NME8: variants seen among roughly 807,000 people sequenced by gnomAD.
NME8 encodes protein NME8.
NME8 carries 72 observed loss-of-function variants against 82.3 expected under a neutral mutation model. That is an observed-to-expected ratio of 0.87 (90% CI 0.72 to 1.06). The LOEUF is 1.06. Ranked by LOEUF, NME8 falls within the 50% of genes least tolerant of loss-of-function variation. The pLI is 0.00. For missense variants in NME8, 712 were observed against 685.4 expected (o/e 1.04, Z -0.43); for synonymous variants, 267 against 228.5 (o/e 1.17, Z -1.52).
chr7:37,849,356 T>G (rs567910285), intron 2 of NME8, among the ~76,000 whole-genome samples: 1 of 152,270 alleles, frequency 6.6e-6, no homozygotes, highest in African/African-American at 2.4e-5. Flanking sequence ...CTTTCTAATA[T>G]TTCAGGAAAA....
At position 37,858,430 on chromosome 7, in the gene NME8, C is replaced by T. The variant is rs3807170; in HGVS notation, c.270+1085C>T. ...TCTAAGTTGGATGTTTAGAATTCAACGATTTAGGTGAGGGGTCAGCTAACG... is the reference window on the plus strand; with the variant it reads ...TCTAAGTTGGATGTTTAGAATTCAATGATTTAGGTGAGGGGTCAGCTAACG... On this transcript the variant is annotated intron_variant, in intron 6 of 17. Coordinates refer to ENST00000199447, the MANE Select transcript of NME8 (RefSeq NM_016616.5). Among the ~76,000 whole-genome samples the T allele has an allele frequency of 6.9e-3, 1,046 of 152,108 alleles. 34 individuals carry two copies. Among genetic ancestry groups the T allele is most frequent in the East Asian group, 0.059 (306 of 5,166 alleles).
chr7:37,888,501 C>A, intron 15 of NME8, 73 bp downstream of exon 15: 1 of 1,438,786 alleles, frequency 7.0e-7, no homozygotes, highest in Non-Finnish European at 9.6e-7. Flanking sequence ...AATTTACAAT[C>A]AGAAAAGCAA....
chr7:37,892,860 G>T (rs535383232), intron 15 of NME8, among the ~76,000 whole-genome samples: 1 of 151,744 alleles, frequency 6.6e-6, no homozygotes, highest in East Asian at 1.9e-4. Flanking sequence ...ACAGTTTGGG[G>T]GGGTATTTGT....
intron 5 of NME8, among the ~76,000 whole-genome samples, chr7:37,854,992 C>T (rs1014604944): frequency 6.6e-6 from 1 of 152,124 alleles, no homozygotes; most frequent in Non-Finnish European, 1.5e-5. Flanking sequence ...TGCAATTCTC[C>T]CAGACTTTAA....
chr7:37,875,978 C>T (rs2598023), intron 11 of NME8, among the ~76,000 whole-genome samples: 50,026 of 151,864 alleles, frequency 0.33, 9,236 homozygotes, highest in East Asian at 0.53. Flanking sequence ...GAGGCCGAGA[C>T]GGGCTGATCA....
intron 5 of NME8, among the ~76,000 whole-genome samples, chr7:37,852,749 T>G (rs767910663): frequency 1.3e-5 from 2 of 152,218 alleles, no homozygotes; most frequent in Non-Finnish European, 2.9e-5. Context: ...GAAGAACATC[T>G]TGGTTGCTTC....
At chr7:37,859,413 A>G (rs995943899) in intron 6 of NME8, among the ~76,000 whole-genome samples, 1 of 152,060 alleles carries the variant, frequency 6.6e-6, no homozygotes, top group African/African-American at 2.4e-5. Context: ...ACTTCCTAAG[A>G]TTTTTGACCA....
In NME8 at chr7:37,849,868, TCAAAA is replaced by T. The variant is rs1784412835; in HGVS notation, c.-7-391_-7-387del. On this transcript the variant is annotated intron_variant, in intron 2 of 17. Transcript: ENST00000199447. ...TCTGGCAACAGAGTGAGACTATGTC[TCAAAA>T]AAAAAAAAAAAAAAAAAGAACAATG... Among the ~76,000 whole-genome samples the T allele has an allele frequency of 5.4e-5, 6 of 111,582 alleles. 1 individual carries two copies. The highest frequency in any genetic ancestry group is 5.4e-4 in the South Asian group (2 of 3,700). 73.2% of individuals were successfully genotyped at this position (111,582 alleles called of 152,430 possible).
chr7:37,855,342 ATCTTTTCCTT>A (rs1784495176), intron 5 of NME8, among the ~76,000 whole-genome samples: 1 of 152,198 alleles, frequency 6.6e-6, no homozygotes, highest in South Asian at 2.1e-4. Flanking sequence ...AGCTGGTGTT[ATCTTTTCCTT>A]TCAAGGATTG....
At chr7:37,883,373 T>C (rs1562838869) in intron 12 of NME8, among the ~76,000 whole-genome samples, 2 of 152,224 alleles carry the variant, frequency 1.3e-5, no homozygotes, top group Non-Finnish European at 2.9e-5. Flanking sequence ...ATATATCCTG[T>C]GTTTTCCTTT....
At chr7:37,896,790 C>A in intron 16 of NME8, 80 bp from the exon 17 acceptor site, 1 of 1,178,958 alleles carries the variant, frequency 8.5e-7, no homozygotes, top group Non-Finnish European at 1.3e-6. Context: ...GCTCAGGCTG[C>A]AGTGTTCTGT....
At chr7:37,899,657 C>T (rs1448145493) in intron 17 of NME8, among the ~76,000 whole-genome samples, 1 of 152,100 alleles carries the variant, frequency 6.6e-6, no homozygotes, top group Non-Finnish European at 1.5e-5. Flanking sequence ...CCTGCACATC[C>T]TGTACACATA....
chr7:37,885,270 G>A lies in NME8; in HGVS notation c.1247+18G>A. The A allele has an allele frequency of 6.7e-7, 1 of 1,497,324 alleles. No individual in the cohort carries two copies. Among genetic ancestry groups the A allele is most frequent in the African/African-American group, 1.4e-5 (1 of 72,514 alleles). The allele number at this position is 1,497,324 out of a possible 1,614,324, so 92.8% of individuals were successfully genotyped here. On this transcript the variant is annotated intron_variant, in intron 14 of 17. Coordinates refer to ENST00000199447, the MANE Select transcript of NME8 (RefSeq NM_016616.5). ...CCAGAGAGGTAGGATTCATACCATGGGTCACTATCTGTTTTCGTGGGCTCC... is the reference window on the plus strand; with the variant it reads ...CCAGAGAGGTAGGATTCATACCATGAGTCACTATCTGTTTTCGTGGGCTCC...
intron 6 of NME8, among the ~76,000 whole-genome samples, chr7:37,857,984 G>A (rs1267590107): frequency 1.3e-5 from 2 of 152,046 alleles, no homozygotes; most frequent in African/African-American, 4.8e-5. Flanking sequence ...ATTGCTTGAG[G>A]CCAGGAATTC....
rs1167463541 is a variant in NME8 at position 37,855,262 on chromosome 7, C to A, written c.199-2012C>A. On this transcript the variant is annotated intron_variant, in intron 5 of 17. Transcript: ENST00000199447. ...GTACTTCCTGACACCAGGGACAAAG[C>A]ACTGATGGAACCAATCCAGAATAAA... 2.6e-5 allele frequency among the ~76,000 whole-genome samples: 4 copies of A among 152,150 alleles called. No individual in the cohort carries two copies. The East Asian group carries it at 7.7e-4, about 29-fold the overall frequency.
At chr7:37,899,167 A>G (rs985922143) in intron 17 of NME8, among the ~76,000 whole-genome samples, 1 of 152,218 alleles carries the variant, frequency 6.6e-6, no homozygotes, top group African/African-American at 2.4e-5. Context: ...CATTTGACCC[A>G]GAAATCCCAT....
intron 17 of NME8, among the ~76,000 whole-genome samples, 192 bp downstream of exon 17, chr7:37,897,299 G>A (rs563455554): frequency 2.6e-5 from 4 of 152,038 alleles, no homozygotes; most frequent in East Asian, 1.9e-4. Context: ...GCTGATGACC[G>A]TGGGGATTCT....
chr7:37,887,367 G>T (rs1785058682), intron 14 of NME8, among the ~76,000 whole-genome samples: 1 of 152,022 alleles, frequency 6.6e-6, no homozygotes, highest in African/African-American at 2.4e-5. Context: ...TTATATCTTT[G>T]GTCTAGAGTC....
intron 15 of NME8, among the ~76,000 whole-genome samples, chr7:37,890,592 C>T (rs1300870356): frequency 6.6e-6 from 1 of 151,888 alleles, no homozygotes; most frequent in Admixed American, 6.6e-5. Flanking sequence ...AGCCTCCCCA[C>T]CTCTAGTGAG....
Sources: gnomAD v4.1 joint callset for allele counts (sites outside exome capture counted in the v4.1 genomes callset) on GRCh38, gnomAD v4.1.1 for gene constraint, MANE v1.5 for transcripts, NCBI Gene and HGNC (gene_info 2026-07-23, HGNC 2026-07-21) for gene names.